SLC41A2: variants seen among roughly 807,000 people sequenced by gnomAD.
The protein encoded by SLC41A2 is SLC41A1-like 1.
In SLC41A2, 32 loss-of-function variants were observed where a neutral mutation model predicts 58.3. The ratio of observed to expected loss-of-function variants is 0.55; its 90% CI spans 0.41 to 0.74. SLC41A2 has a LOEUF of 0.74. Ranked by LOEUF, SLC41A2 falls within the 30% of genes least tolerant of loss-of-function variation. The probability of loss-of-function intolerance (pLI) is 0.00; values close to 1 mark genes in which losing one functional copy is unlikely to be tolerated. For missense variants in SLC41A2, 514 were observed against 680.6 expected, an observed-to-expected ratio of 0.76 and a Z score of 2.72; for synonymous variants, 190 against 235.0, an observed-to-expected ratio of 0.81 and a Z score of 1.75.
Position 104,866,425 on chromosome 12 carries a change from T to C in SLC41A2, c.1175+7A>G. The C allele has an allele frequency of 1.2e-6, 2 of 1,607,378 alleles. No homozygotes were observed. Among genetic ancestry groups the C allele is most frequent in the Non-Finnish European group, 1.7e-6 (2 of 1,177,372 alleles). On this transcript the variant is annotated splice_region_variant and intron_variant, in intron 7 of 10. Coordinates refer to ENST00000258538, the MANE Select transcript of SLC41A2 (RefSeq NM_001352171.3). ...ACACACACACACACACATATTTTAATACTAACCTACTTATAACCATAGCTG... is the reference window on the plus strand; with the variant it reads ...ACACACACACACACACATATTTTAACACTAACCTACTTATAACCATAGCTG...
intron 1 of SLC41A2, among the ~76,000 whole-genome samples, chr12:104,945,161 C>T (rs1456643684): frequency 6.6e-6 from 1 of 151,292 alleles, no homozygotes; most frequent in African/African-American, 2.4e-5. Flanking sequence ...CAGAGCAAGA[C>T]TCCATCACAC....
intron 8 of SLC41A2, among the ~76,000 whole-genome samples, chr12:104,848,298 T>C (rs187109627): frequency 5.3e-5 from 8 of 152,206 alleles, no homozygotes; most frequent in African/African-American, 1.7e-4. Context: ...ACATAAAATA[T>C]TGAGATATGT....
Position 104,904,285 on chromosome 12 carries a change from C to G in SLC41A2, c.663+5370G>C, listed in dbSNP as rs548338265. ...GTATGCTTAACTATGTTTATCAGAG[C>G]AAAGTTCAATTTCCAACAAATGAAA... On this transcript the variant is annotated intron_variant, in intron 3 of 10. Transcript: ENST00000258538. 6.1e-4 allele frequency among the ~76,000 whole-genome samples: 93 copies of G among 152,290 alleles called. No homozygotes were observed. The South Asian group carries it at 0.019, about 31-fold the overall frequency.
At chr12:104,847,603 CAA>C (rs61636915) in intron 8 of SLC41A2, among the ~76,000 whole-genome samples, 9 of 86,396 alleles carry the variant, frequency 1.0e-4, no homozygotes, top group South Asian at 4.9e-4. Context: ...GACTCTGTCT[CAA>C]AAAAAAAAAA....
chr12:104,955,016 C>CTTTTTTTTTTTTTTTTT (rs375969264), intron 1 of SLC41A2, among the ~76,000 whole-genome samples: 2 of 79,174 alleles, frequency 2.5e-5, no homozygotes, highest in African/African-American at 5.2e-5. Context: ...TTGGCCCTTG[C>CTTTTTTTTTTTTTTTTT]TTTTTTTTTT....
At chr12:104,948,908 G>A (rs770524911) in intron 1 of SLC41A2, among the ~76,000 whole-genome samples, 1 of 152,180 alleles carries the variant, frequency 6.6e-6, no homozygotes, top group Non-Finnish European at 1.5e-5. Context: ...ACTATCTTCT[G>A]TTACTCAATC....
chr12:104,885,482 C>T (rs911682605), intron 6 of SLC41A2, among the ~76,000 whole-genome samples: 1 of 152,110 alleles, frequency 6.6e-6, no homozygotes, highest in Non-Finnish European at 1.5e-5. Context: ...GTATAGAATC[C>T]ATGAACATAT....
At chr12:104,905,771 T>C (rs956859444) in intron 3 of SLC41A2, among the ~76,000 whole-genome samples, 10 of 152,360 alleles carry the variant, frequency 6.6e-5, no homozygotes, top group African/African-American at 1.7e-4. Context: ...AAGTCCCCCA[T>C]TGCCCGGGGA....
intron 1 of SLC41A2, among the ~76,000 whole-genome samples, chr12:104,929,140 CTTTA>C (rs2046962288): frequency 6.6e-6 from 1 of 152,006 alleles, no homozygotes. Flanking sequence ...AACCATATTA[CTTTA>C]TTTACAACTT....
chr12:104,884,587 C>CA (rs1418373879), intron 6 of SLC41A2, among the ~76,000 whole-genome samples: 2 of 152,170 alleles, frequency 1.3e-5, no homozygotes, highest in Admixed American at 6.5e-5. Flanking sequence ...AATTTCTGTC[C>CA]TTTTAATGAT....
At chr12:104,820,905 A>G (rs1336693380) in intron 10 of SLC41A2, among the ~76,000 whole-genome samples, 1 of 152,204 alleles carries the variant, frequency 6.6e-6, no homozygotes, top group Non-Finnish European at 1.5e-5. Context: ...TCAGCCTCCC[A>G]AAGTGCTGGG....
At chr12:104,860,265 G>C (rs957938034) in intron 8 of SLC41A2, among the ~76,000 whole-genome samples, 1 of 151,812 alleles carries the variant, frequency 6.6e-6, no homozygotes, top group Admixed American at 6.6e-5. Flanking sequence ...AGAGCATTAG[G>C]ACAAATAACT....
At position 104,928,051 on chromosome 12, in the gene SLC41A2, C is replaced by CATG. The variant is rs1437525608; in HGVS notation, c.474_476dup (p.Ile158dup). On this transcript the variant is annotated inframe_insertion, in exon 2 of 11. Transcript: ENST00000258538. ...AAAAGGGCACAAGTATTTGCAATGCCATGATGCCACTGGATTCCTTTGGTA... is the reference window on the plus strand; with the variant it reads ...AAAAGGGCACAAGTATTTGCAATGCCATGATGATGCCACTGGATTCCTTTGGTA... 1 of 1,614,124 alleles carries CATG rather than the reference C, an allele frequency of 6.2e-7. No individual in the cohort carries two copies.
chr12:104,916,477 A>G (rs1303578990), intron 2 of SLC41A2, among the ~76,000 whole-genome samples: 2 of 152,138 alleles, frequency 1.3e-5, no homozygotes, highest in Non-Finnish European at 2.9e-5. Context: ...AAACTACTTT[A>G]AAGTTCATAT....
intron 1 of SLC41A2, among the ~76,000 whole-genome samples, chr12:104,945,998 C>A (rs951789227): frequency 2.0e-5 from 3 of 152,018 alleles, no homozygotes; most frequent in Non-Finnish European, 2.9e-5. Flanking sequence ...GTATAAGAGT[C>A]AAAAAAGGTA....
At chr12:104,872,955 T>C (rs574171844) in intron 6 of SLC41A2, among the ~76,000 whole-genome samples, 7 of 152,332 alleles carry the variant, frequency 4.6e-5, no homozygotes, top group African/African-American at 1.7e-4. Flanking sequence ...AGATATATAG[T>C]TAAGTGGTTA....
chr12:104,812,301 A>C (rs1245070505), intron 10 of SLC41A2, among the ~76,000 whole-genome samples: 3 of 152,354 alleles, frequency 2.0e-5, no homozygotes, highest in Admixed American at 1.3e-4. Flanking sequence ...TGTGATGTGA[A>C]TGTTAAATAA....
chr12:104,924,659 G>T (rs1051678159), intron 2 of SLC41A2, among the ~76,000 whole-genome samples: 2 of 151,918 alleles, frequency 1.3e-5, no homozygotes, highest in Admixed American at 1.3e-4. Context: ...CAGGAGAATC[G>T]CTTGAACCTG....
chr12:104,902,948 G>A (rs768299919), intron 3 of SLC41A2, among the ~76,000 whole-genome samples: 29 of 152,132 alleles, frequency 1.9e-4, no homozygotes, highest in African/African-American at 5.6e-4. Flanking sequence ...TAAAAATGCC[G>A]TAAACTAGAA....
Sources: allele counts gnomAD v4.1 joint callset (sites outside exome capture counted in the v4.1 genomes callset), GRCh38; gene constraint gnomAD v4.1.1; transcripts MANE v1.5; gene names NCBI Gene and HGNC (gene_info 2026-07-23, HGNC 2026-07-21).